Variants in PRKN observed in about 807,000 individuals in gnomAD.
The protein encoded by PRKN is parkin RBR E3 ubiquitin protein ligase.
PRKN carries 56 observed loss-of-function variants against 59.5 expected under a neutral mutation model. That is an observed-to-expected ratio of 0.94 (90% CI 0.76 to 1.18). PRKN has a LOEUF of 1.18. Ranked by LOEUF, PRKN falls within the 50% of genes most tolerant of loss-of-function variation. The pLI is 0.00. For synonymous variants in PRKN, 250 were observed against 222.1 expected (o/e 1.13, Z -1.12); for missense variants, 657 against 596.4 (o/e 1.10, Z -1.06).
intron 6 of PRKN, among the ~76,000 whole-genome samples, chr6:161,836,600 C>G (rs1260850521): frequency 1.3e-5 from 2 of 152,132 alleles, no homozygotes; most frequent in African/African-American, 4.8e-5. Flanking sequence ...TACGTGTAAA[C>G]CAGAGACGAT....
At chr6:161,844,764 G>A (rs1793130089) in intron 6 of PRKN, among the ~76,000 whole-genome samples, 1 of 152,204 alleles carries the variant, frequency 6.6e-6, no homozygotes, top group African/African-American at 2.4e-5. Flanking sequence ...CAGCAGGACA[G>A]ACCCTCCACC....
chr6:162,110,764 G>A (rs1348889548), intron 4 of PRKN, among the ~76,000 whole-genome samples: 1 of 152,112 alleles, frequency 6.6e-6, no homozygotes, highest in Non-Finnish European at 1.5e-5. Flanking sequence ...ATGCTAGTGG[G>A]GATCACAAAC....
intron 1 of PRKN, among the ~76,000 whole-genome samples, chr6:162,466,095 A>C (rs1791401566): frequency 6.6e-6 from 1 of 152,232 alleles, no homozygotes; most frequent in Non-Finnish European, 1.5e-5. Flanking sequence ...GAAGTTAATA[A>C]AGAAACATGC....
intron 1 of PRKN, among the ~76,000 whole-genome samples, chr6:162,533,988 A>AAAAAAAG (rs71004099): frequency 2.8e-5 from 4 of 143,750 alleles, no homozygotes; most frequent in Non-Finnish European, 1.5e-5. Flanking sequence ...AAAAAAAAAA[A>AAAAAAAG]GAGATATGAA....
intron 1 of PRKN, among the ~76,000 whole-genome samples, chr6:162,629,579 A>G (rs550992545): frequency 1.4e-4 from 21 of 152,324 alleles, no homozygotes; most frequent in Non-Finnish European, 2.2e-4. Flanking sequence ...TAAAAGTTTC[A>G]GCAGACCAAA....
intron 1 of PRKN, among the ~76,000 whole-genome samples, chr6:162,652,223 G>T (rs1377176949): frequency 6.6e-6 from 1 of 152,090 alleles, no homozygotes; most frequent in Non-Finnish European, 1.5e-5. Context: ...GGGCATACGT[G>T]GTGTCTAGCT....
At chr6:162,065,081 A>G (rs2128288981) in intron 4 of PRKN, among the ~76,000 whole-genome samples, 1 of 152,318 alleles carries the variant, frequency 6.6e-6, no homozygotes. Context: ...GTGTATATGA[A>G]AGGGAGTTTA....
At chr6:161,762,961 G>C (rs1332515611) in intron 7 of PRKN, among the ~76,000 whole-genome samples, 1 of 152,142 alleles carries the variant, frequency 6.6e-6, no homozygotes, top group African/African-American at 2.4e-5. Flanking sequence ...GAAATACTGA[G>C]AGACTACTGA....
At chr6:161,950,524 G>A (rs367596387) in intron 6 of PRKN, among the ~76,000 whole-genome samples, 4 of 152,126 alleles carry the variant, frequency 2.6e-5, no homozygotes, top group South Asian at 2.1e-4. Context: ...CAGCCTGGGC[G>A]GCAGAGTGAG....
intron 4 of PRKN, among the ~76,000 whole-genome samples, chr6:162,195,339 G>A (rs953419622): frequency 4.6e-5 from 7 of 152,182 alleles, no homozygotes; most frequent in African/African-American, 1.7e-4. Flanking sequence ...AAACTAGAAA[G>A]TAAGCTTAGG....
rs569740609 is a variant in PRKN at position 161,593,433 on chromosome 6, C to G, written c.872-24017G>C. 6.6e-6 allele frequency among the ~76,000 whole-genome samples: 1 copy of G among 152,292 alleles called. No individual in the cohort carries two copies. The highest frequency in any genetic ancestry group is 2.1e-4 in the South Asian group (1 of 4,824). The stretch of plus-strand genomic sequence containing the variant: ...AGCTAATATTGGCCAATCCCCAACC[C>G]TGAACTCTGGAATAGTCTGGGGGAG... On this transcript the variant is annotated intron_variant, in intron 7 of 11. Transcript: ENST00000366898. The surrounding 1 kb of genome is among the most constrained non-coding windows in gnomAD (Gnocchi z 4.8).
intron 7 of PRKN, among the ~76,000 whole-genome samples, chr6:161,705,386 T>A (rs997020809): frequency 6.6e-6 from 1 of 152,198 alleles, no homozygotes; most frequent in Non-Finnish European, 1.5e-5. Context: ...ATTTATTGAA[T>A]ACTGTACAAA....
intron 1 of PRKN, among the ~76,000 whole-genome samples, chr6:162,452,960 T>C (rs566446948): frequency 2.6e-5 from 4 of 152,216 alleles, no homozygotes; most frequent in East Asian, 3.9e-4. Context: ...TCACAAAAAA[T>C]AGATTCAAAG....
In PRKN at chr6:162,282,829, G is replaced by A. The variant is rs553580025; in HGVS notation, c.172-20064C>T. ...ATAGCAAATTTTGATTAACTCTGAA[G>A]AATGGGATTAAGTGATGGAAGAGAG... On this transcript the variant is annotated intron_variant, in intron 2 of 11. Coordinates refer to ENST00000366898, the MANE Select transcript of PRKN (RefSeq NM_004562.3). Among the ~76,000 whole-genome samples the A allele has an allele frequency of 1.1e-4, 17 of 152,272 alleles. No homozygotes were observed. The East Asian group carries it at 3.1e-3, about 28-fold the overall frequency.
At chr6:162,647,745 A>G (rs75138453) in intron 1 of PRKN, among the ~76,000 whole-genome samples, 2 of 152,034 alleles carry the variant, frequency 1.3e-5, no homozygotes, top group Non-Finnish European at 2.9e-5. Flanking sequence ...AAGGAAGCAG[A>G]AAGTTTGTTT....
chr6:162,078,021 AAAT>A (rs1778904956), intron 4 of PRKN, among the ~76,000 whole-genome samples: 3 of 123,746 alleles, frequency 2.4e-5, no homozygotes, highest in South Asian at 2.6e-4. Context: ...AAAAAAAAAA[AAAT>A]TATTTTTTAT....
chr6:162,303,542 TG>T (rs1361329639), intron 2 of PRKN, among the ~76,000 whole-genome samples: 2 of 152,164 alleles, frequency 1.3e-5, no homozygotes, highest in Non-Finnish European at 2.9e-5. Flanking sequence ...AAGTACCTAC[TG>T]GGTATACTAG....
At chr6:162,638,206 CTA>C (rs948178796) in intron 1 of PRKN, among the ~76,000 whole-genome samples, 3 of 91,280 alleles carry the variant, frequency 3.3e-5, no homozygotes, top group African/African-American at 1.2e-4. Flanking sequence ...AATATTATCC[CTA>C]TGTTTATTAC....
intron 2 of PRKN, among the ~76,000 whole-genome samples, chr6:162,369,696 T>C (rs190168501): frequency 1.3e-5 from 2 of 152,306 alleles, no homozygotes; most frequent in Non-Finnish European, 1.5e-5. Flanking sequence ...CAGAGATCAC[T>C]GGCAGAAATT....
Sources: allele counts gnomAD v4.1 joint callset (sites outside exome capture counted in the v4.1 genomes callset), GRCh38; gene constraint gnomAD v4.1.1; non-coding constraint Gnocchi (gnomAD v3.1); transcripts MANE v1.5; gene names NCBI Gene and HGNC (gene_info 2026-07-23, HGNC 2026-07-21).